Variants in STKLD1 observed in about 807,000 individuals in gnomAD.
STKLD1 encodes serine/threonine kinase like domain containing 1.
STKLD1 carries 79 observed loss-of-function variants against 80.4 expected under a neutral mutation model. The ratio of observed to expected loss-of-function variants is 0.98; its 90% CI spans 0.82 to 1.19. STKLD1 has a LOEUF of 1.19. STKLD1 is among the 50% of genes most tolerant of loss of function. The pLI is 0.00. For synonymous variants in STKLD1, 393 were observed against 357.6 expected, an observed-to-expected ratio of 1.10 and a Z score of -1.12; for missense variants, 841 against 856.0, an observed-to-expected ratio of 0.98 and a Z score of 0.22.
chr9:133,404,586 G>A (rs782168783), intron 16 of STKLD1, among the ~76,000 whole-genome samples: 1 of 152,174 alleles, frequency 6.6e-6, no homozygotes, highest in Admixed American at 6.5e-5. Flanking sequence ...GCTCTGGGGG[G>A]GCTGCCTCCT....
Position 133,401,835 on chromosome 9 carries a change from T to C in STKLD1, c.1296T>C (p.Leu432=). 2 of 1,613,636 alleles carry C rather than the reference T, an allele frequency of 1.2e-6. No individual in the cohort carries two copies. The highest frequency in any genetic ancestry group is 1.7e-6 in the Non-Finnish European group (2 of 1,179,966). ...ALQSHPEEEP[L]LVMVYSLLAI... is the part of the protein sequence containing the mutation. ...AGAGCCACCCCGAGGAGGAGCCACT[T>C]CTTGTCATGGTCTACAGCCTGCTAG... Residue 432 remains leucine, a synonymous_variant, in exon 13 of 18, where the codon CTT becomes CTC. Transcript: ENST00000371957.
At position 133,392,465 on chromosome 9, in the gene STKLD1, T is replaced by A. The variant is rs1838422320; in HGVS notation, c.583+1669T>A. 2.0e-5 allele frequency among the ~76,000 whole-genome samples: 3 copies of A among 149,216 alleles called. No individual in the cohort carries two copies. The South Asian group carries it at 6.4e-4, about 32-fold the overall frequency. On this transcript the variant is annotated intron_variant, in intron 7 of 17. Transcript: ENST00000371957. ...ATAGGTGGGTGGGTAAGTGGATGGA[T>A]GATGGGTGGGTGAGTGGATGGATGG...
At chr9:133,391,794 G>A (rs1838403612) in intron 7 of STKLD1, among the ~76,000 whole-genome samples, 1 of 150,656 alleles carries the variant, frequency 6.6e-6, no homozygotes, top group South Asian at 2.1e-4. Context: ...ATTGTCCTAT[G>A]ACCCTGCCAA....
chr9:133,405,538 A>C lies in STKLD1; in HGVS notation c.*117A>C. The C allele has an allele frequency of 9.8e-7, 1 of 1,024,090 alleles. No individual in the cohort carries two copies. The highest frequency in any genetic ancestry group is 3.0e-5 in the Admixed American group (1 of 33,712). The allele number at this position is 1,024,090 out of a possible 1,614,324, so 63.4% of individuals were successfully genotyped here. A position where few individuals can be genotyped will look rare whatever the true frequency, so the allele number is the denominator to read the frequency against. On this transcript the variant is annotated 3_prime_UTR_variant, in exon 18 of 18. Transcript: ENST00000371957. ...AAAATCAATCTTAAACGGGAGGGGT[A>C]ATCAGACCTCTCCAAAGAGTTTCCT...
chr9:133,403,963 C>T lies in STKLD1; in HGVS notation c.1647C>T (p.Leu549=), dbSNP rs1190022209. ...EQQFEQVVAL[L]LQSIRLCQDR... is the part of the protein sequence containing the mutation. ...AGTTTGAACAAGTGGTGGCGCTGCTCCTGCAAAGCATCCGGCTGTGCCAGG... is the reference window on the plus strand; with the variant it reads ...AGTTTGAACAAGTGGTGGCGCTGCTTCTGCAAAGCATCCGGCTGTGCCAGG... The change falls in exon 16 of 18, where the codon CTC becomes CTT. Residue 549 remains leucine, a synonymous_variant. Coordinates refer to ENST00000371957, the MANE Select transcript of STKLD1 (RefSeq NM_153710.5). 3 of 1,610,962 alleles carry T rather than the reference C, an allele frequency of 1.9e-6. No individual in the cohort carries two copies. Among genetic ancestry groups the T allele is most frequent in the South Asian group, 1.1e-5 (1 of 90,840 alleles).
At chr9:133,397,357 T>A in intron 10 of STKLD1, 63 bp downstream of exon 10, 1 of 1,598,818 alleles carries the variant, frequency 6.3e-7, no homozygotes, top group Non-Finnish European at 8.5e-7. Context: ...CTTGGCATCC[T>A]ATTGTTTAGT....
At chr9:133,405,044 G>A (rs1360291681) in intron 17 of STKLD1, 115 bp downstream of exon 17, 24 of 1,463,148 alleles carry the variant, frequency 1.6e-5, no homozygotes, top group Middle Eastern at 2.2e-4. Flanking sequence ...CCCACTTCTC[G>A]GCCCACTTAA....
At chr9:133,404,373 A>G (rs1172288457) in intron 16 of STKLD1, among the ~76,000 whole-genome samples, 2 of 151,998 alleles carry the variant, frequency 1.3e-5, no homozygotes, top group South Asian at 2.1e-4. Context: ...CCAATTCCCC[A>G]CAACACAAAC....
At position 133,389,591 on chromosome 9, in the gene STKLD1, C is replaced by T. The variant is rs2130284588; in HGVS notation, c.462C>T (p.Ile154=). ...AATACCTGCACCATTTGGACATCAT[C>T]CACAGGTAAGTGGGGCCCCTGACCT... ...ALEYLHHLDI[I]HRNLKPSNII... Residue 154 remains isoleucine, a synonymous_variant, in exon 6 of 18, where the codon ATC becomes ATT. Transcript: ENST00000371957. The surrounding 1 kb of genome is among the most constrained non-coding windows in gnomAD (Gnocchi z 6.4). 1.9e-6 allele frequency: 3 copies of T among 1,613,444 alleles called. No individual in the cohort carries two copies. Among genetic ancestry groups the T allele is most frequent in the Non-Finnish European group, 2.5e-6 (3 of 1,179,894 alleles).
chr9:133,401,955 G>C, intron 13 of STKLD1, 77 bp downstream of exon 13: 1 of 1,571,160 alleles, frequency 6.4e-7, no homozygotes, highest in Non-Finnish European at 8.6e-7. Flanking sequence ...GGGTTGGTTT[G>C]GGGTATAGGT....
intron 2 of STKLD1, among the ~76,000 whole-genome samples, chr9:133,381,608 G>A (rs2130266663): frequency 0.028 from 4,174 of 150,462 alleles, 186 homozygotes; most frequent in Non-Finnish European, 0.037. Context: ...GTGCCACCAC[G>A]CCCGGCTAAT....
chr9:133,404,086 TG>T (rs1451719828), intron 16 of STKLD1, 38 bp downstream of exon 16: 19 of 1,531,820 alleles, frequency 1.2e-5, no homozygotes, highest in Non-Finnish European at 1.7e-5. Flanking sequence ...CACCTAGAGG[TG>T]GGGGCAAGAA....
chr9:133,400,844 G>A (rs587758556), intron 12 of STKLD1, among the ~76,000 whole-genome samples: 19 of 152,314 alleles, frequency 1.2e-4, no homozygotes, highest in African/African-American at 3.1e-4. Context: ...TTGGAGACGC[G>A]GATCCCACCC....
intron 11 of STKLD1, among the ~76,000 whole-genome samples, chr9:133,398,776 AAAACC>A (rs1480311501): frequency 6.6e-6 from 1 of 152,228 alleles, no homozygotes; most frequent in East Asian, 1.9e-4. Context: ...CTCAGAAAAC[AAAACC>A]AAACCCAAAA....
rs1554778543 is a variant in STKLD1, at chr9:133,405,407, G to A, written c.2029G>A (p.Gly677Arg). 5 of 1,608,480 alleles carry A rather than the reference G, an allele frequency of 3.1e-6. No homozygotes were observed. The Admixed American group carries it at 6.7e-5, about 22-fold the overall frequency. ...CCCCCAGCTGGGGTGCACCACGTCTGGGGGACTGGAATAGATGTTTGTATG... is the reference window on the plus strand; with the variant it reads ...CCCCCAGCTGGGGTGCACCACGTCTAGGGGACTGGAATAGATGTTTGTATG... ...GSPQLGCTTS[G>R]GLE is the part of the protein sequence containing the mutation. The change falls in exon 18 of 18, where the codon GGG becomes AGG. Residue 677 changes from glycine to arginine, a missense_variant. Coordinates refer to ENST00000371957, the MANE Select transcript of STKLD1 (RefSeq NM_153710.5).
chr9:133,393,540 G>C (rs1270577940), intron 7 of STKLD1, among the ~76,000 whole-genome samples: 1 of 150,090 alleles, frequency 6.7e-6, no homozygotes, highest in Non-Finnish European at 1.5e-5. Context: ...TGGATGAATG[G>C]ATGGATGGGT....
intron 4 of STKLD1, among the ~76,000 whole-genome samples, chr9:133,386,747 G>C (rs1367651705): frequency 6.6e-6 from 1 of 152,254 alleles, no homozygotes; most frequent in Non-Finnish European, 1.5e-5. Context: ...GACTGAGGCA[G>C]ACAGCGGGAG....
In STKLD1 at chr9:133,389,456, CTGAG is replaced by C; in HGVS notation, c.397-67_397-64del. ...ATACACCACCATCCTGCTGGCTGCT[CTGAG>C]TGTCACCCCCCTGAAAGCAGCACAG... On this transcript the variant is annotated intron_variant, in intron 5 of 17. Coordinates refer to ENST00000371957, the MANE Select transcript of STKLD1 (RefSeq NM_153710.5). This position sits in a 1 kb window ranked among gnomAD's most constrained non-coding sequence, Gnocchi z 6.4. The C allele has an allele frequency of 6.3e-7, 1 of 1,581,730 alleles. No homozygotes were observed. Among genetic ancestry groups the C allele is most frequent in the Non-Finnish European group, 8.6e-7 (1 of 1,164,070 alleles).
At chr9:133,392,747 A>G (rs1420713427) in intron 7 of STKLD1, among the ~76,000 whole-genome samples, 1 of 57,200 alleles carries the variant, frequency 1.7e-5, no homozygotes, top group Non-Finnish European at 3.2e-5. Flanking sequence ...GGATGGATGG[A>G]TAGGAGGGTG....
Sources: allele counts gnomAD v4.1 joint callset (sites outside exome capture counted in the v4.1 genomes callset), GRCh38; gene constraint gnomAD v4.1.1; non-coding constraint Gnocchi (gnomAD v3.1); transcripts MANE v1.5; gene names NCBI Gene and HGNC (gene_info 2026-07-23, HGNC 2026-07-21).